The following ZNF670 variants were observed in gnomAD, a reference collection of about 807,000 sequenced individuals.
ZNF670 encodes the protein zinc finger protein 670.
ZNF670 carries 7 observed loss-of-function variants against 10.9 expected under a neutral mutation model. That is an observed-to-expected ratio of 0.64 (90% CI 0.36 to 1.20). The LOEUF is 1.20. ZNF670 is among the 50% of genes most tolerant of loss of function. The pLI is 0.02. For synonymous variants in ZNF670, 136 were observed against 152.7 expected (o/e 0.89, Z 0.81); for missense variants, 446 against 458.6 (o/e 0.97, Z 0.25).
chr1:247,059,285 C>CA (rs796564332), intron 1 of ZNF670, among the ~76,000 whole-genome samples: 4,928 of 144,846 alleles, frequency 0.034, 241 homozygotes, highest in African/African-American at 0.1. Context: ...ACTAAAAATA[C>CA]AAAAAAAAAA....
intron 1 of ZNF670, among the ~76,000 whole-genome samples, chr1:247,048,059 T>C (rs1670500355): frequency 6.6e-6 from 1 of 152,192 alleles, no homozygotes; most frequent in Non-Finnish European, 1.5e-5. Flanking sequence ...CCTCAGAAAA[T>C]GGGTTTTCTT....
At chr1:247,057,230 G>A (rs1326992461) in intron 1 of ZNF670, among the ~76,000 whole-genome samples, 1 of 152,118 alleles carries the variant, frequency 6.6e-6, no homozygotes, top group Non-Finnish European at 1.5e-5. Flanking sequence ...CATACAAATG[G>A]TAAACAGGTA....
rs1671307046 is a variant in ZNF670 at position 247,078,459 on chromosome 1, C to G, written c.3+135G>C. On this transcript the variant is annotated intron_variant, in intron 1 of 3. Coordinates refer to ENST00000366503, the MANE Select transcript of ZNF670 (RefSeq NM_033213.5). ...CGGGGTCTGGCTGCGGGTCCAGCCC[C>G]GCATCCTGTGCCACTAAGGCCGCGA... 45 of 1,150,546 alleles carry G rather than the reference C, an allele frequency of 3.9e-5. No homozygotes were observed. The South Asian group carries it at 6.2e-4, about 16-fold the overall frequency. 71.3% of individuals were successfully genotyped at this position (1,150,546 alleles called of 1,614,324 possible).
chr1:247,065,329 C>T (rs1670956169), intron 1 of ZNF670, among the ~76,000 whole-genome samples: 1 of 152,122 alleles, frequency 6.6e-6, no homozygotes, highest in African/African-American at 2.4e-5. Context: ...AGTTTGAGAG[C>T]CAGACTCTGC....
chr1:247,042,891 G>T, intron 1 of ZNF670: 1 of 652,822 alleles, frequency 1.5e-6, no homozygotes, highest in Admixed American at 2.1e-5. Context: ...AACTACAGCA[G>T]AGTGATAAAG....
At chr1:247,070,864 G>T (rs1671098505) in intron 1 of ZNF670, among the ~76,000 whole-genome samples, 1 of 152,166 alleles carries the variant, frequency 6.6e-6, no homozygotes, top group African/African-American at 2.4e-5. Flanking sequence ...CATACACATG[G>T]TCAAGAAGTG....
At chr1:247,041,244 C>A (rs1670300947) in intron 1 of ZNF670, among the ~76,000 whole-genome samples, 1 of 151,516 alleles carries the variant, frequency 6.6e-6, no homozygotes, top group South Asian at 2.1e-4. Flanking sequence ...TTCATTTAAA[C>A]AGAAAAAAAG....
chr1:247,074,525 T>A (rs2103074376), intron 1 of ZNF670, among the ~76,000 whole-genome samples: 1 of 152,232 alleles, frequency 6.6e-6, no homozygotes, highest in Non-Finnish European at 1.5e-5. Flanking sequence ...TAAACTCCCT[T>A]CTTACATAAT....
intron 1 of ZNF670, among the ~76,000 whole-genome samples, chr1:247,042,196 A>G (rs114777161): frequency 0.019 from 2,872 of 152,354 alleles, 50 homozygotes; most frequent in Non-Finnish European, 0.028. Context: ...CGTGATTTAC[A>G]GATTTCACAG....
intron 1 of ZNF670, among the ~76,000 whole-genome samples, chr1:247,051,905 C>T (rs1670606018): frequency 1.3e-5 from 2 of 149,940 alleles, no homozygotes; most frequent in African/African-American, 2.5e-5. Flanking sequence ...CTTCACAGTT[C>T]TCTAAGTGTG....
chr1:247,037,966 GTTCT>G lies in ZNF670; in HGVS notation c.649_652del (p.Arg217LeufsTer67), dbSNP rs1192995404. 1.2e-6 allele frequency: 2 copies of G among 1,613,264 alleles called. No homozygotes were observed. Among genetic ancestry groups the G allele is most frequent in the East Asian group, 2.2e-5 (1 of 44,884 alleles). ...TGCATAGGGTTTCTCTCCAGTATGA[GTTCT>G]TTCATGTTCACGAAGATAACTTGAA... On this transcript the variant is annotated frameshift_variant, in exon 4 of 4. Coordinates refer to ENST00000366503, the MANE Select transcript of ZNF670 (RefSeq NM_033213.5). LOFTEE classifies it low-confidence loss of function (END_TRUNC).
At position 247,037,547 on chromosome 1, in the gene ZNF670, T is replaced by G. The variant is rs757674232; in HGVS notation, c.1072A>C (p.Thr358Pro). The change falls in exon 4 of 4, where the codon ACT becomes CCT. Residue 358 changes from threonine (T) to proline (P), a missense_variant. Physicochemically the swap from Thr to Pro is conservative, Grantham distance 38 (BLOSUM62 -1). Transcript: ENST00000366503. ...SSSALRSHERTHTGEKPYECK... is the reference protein window; with the variant it reads ...SSSALRSHERPHTGEKPYECK... Reference sequence around the variant, plus strand: ...TCATAGGGTTTTTCTCCAGTATGAGTCCTTTCATGGCTTCGAAGGGCACTG... The same window carrying G: ...TCATAGGGTTTTTCTCCAGTATGAGGCCTTTCATGGCTTCGAAGGGCACTG... 1 of 1,614,028 alleles carries G rather than the reference T, an allele frequency of 6.2e-7. No homozygotes were observed. Among genetic ancestry groups the G allele is most frequent in the East Asian group, 2.2e-5 (1 of 44,854 alleles).
chr1:247,077,167 CTG>C (rs113201222), intron 1 of ZNF670, among the ~76,000 whole-genome samples: 7 of 152,286 alleles, frequency 4.6e-5, no homozygotes, highest in African/African-American at 1.7e-4. Flanking sequence ...ATGATGAAAA[CTG>C]GGGTTGGAGG....
At chr1:247,071,525 C>T (rs1671113807) in intron 1 of ZNF670, among the ~76,000 whole-genome samples, 3 of 152,230 alleles carry the variant, frequency 2.0e-5, no homozygotes, top group Admixed American at 6.5e-5. Flanking sequence ...TTACTATGTT[C>T]ACCACCTGGG....
rs1279560847 is a variant in ZNF670 at position 247,035,277 on chromosome 1, A to G, written c.*2172T>C. Among the ~76,000 whole-genome samples, 2 of 152,216 alleles carry G rather than the reference A, an allele frequency of 1.3e-5. No homozygotes were observed. The highest frequency in any genetic ancestry group is 1.9e-4 in the East Asian group (1 of 5,204). On this transcript the variant is annotated 3_prime_UTR_variant, in exon 4 of 4. Coordinates refer to ENST00000366503, the MANE Select transcript of ZNF670 (RefSeq NM_033213.5). ...ACACGTGACACCCATGAGTGTACAG[A>G]TAAGATTGAGAGAAGTTATTAGTTA...
At position 247,037,657 on chromosome 1, in the gene ZNF670, G is replaced by A; in HGVS notation, c.962C>T (p.Ser321Phe). 8.7e-6 allele frequency: 14 copies of A among 1,613,992 alleles called. No homozygotes were observed. Among genetic ancestry groups the A allele is most frequent in the Non-Finnish European group, 1.2e-5 (14 of 1,179,958 alleles). Residue 321 changes from serine to phenylalanine, a missense_variant, in exon 4 of 4, where the codon TCT becomes TTT. By Grantham distance (155) the Ser-to-Phe change is radical. Coordinates refer to ENST00000366503, the MANE Select transcript of ZNF670 (RefSeq NM_033213.5). ...TCTTTCATGCTCACATAGGTTACTA[G>A]AATATTTGAAGGCTTTACCACATTG... The part of the protein sequence containing the change: ...CKQCGKAFKY[S>F]SNLCEHERTH...
At chr1:247,048,932 T>G (rs1407722606) in intron 1 of ZNF670, among the ~76,000 whole-genome samples, 1 of 152,156 alleles carries the variant, frequency 6.6e-6, no homozygotes, top group Admixed American at 6.5e-5. Flanking sequence ...ATTGGTCTGT[T>G]TAGAGTTTCT....
intron 1 of ZNF670, among the ~76,000 whole-genome samples, chr1:247,053,083 T>G (rs140486970): frequency 1.3e-5 from 2 of 152,268 alleles, no homozygotes; most frequent in African/African-American, 4.8e-5. Context: ...AAGCCAGCAG[T>G]GACAGGCCTC....
At chr1:247,055,388 T>G (rs1670691565) in intron 1 of ZNF670, among the ~76,000 whole-genome samples, 1 of 152,144 alleles carries the variant, frequency 6.6e-6, no homozygotes, top group South Asian at 2.1e-4. Flanking sequence ...CCAAGCAGAG[T>G]AGCACTTTCT....
Sources: gnomAD v4.1 joint callset for allele counts (sites outside exome capture counted in the v4.1 genomes callset) on GRCh38, gnomAD v4.1.1 for gene constraint, MANE v1.5 for transcripts, NCBI Gene and HGNC (gene_info 2026-07-23, HGNC 2026-07-21) for gene names.